ZBED3: variants seen among roughly 807,000 people sequenced by gnomAD.
The protein encoded by ZBED3 is zinc finger BED domain-containing protein 3.
For missense variants in ZBED3, 388 were observed against 362.9 expected (o/e 1.07, Z -0.56); for synonymous variants, 175 against 180.0 (o/e 0.97, Z 0.22).
chr5:77,077,442 C>T lies in ZBED3; in HGVS notation c.437G>A (p.Arg146Gln), dbSNP rs1206511115. The T allele has an allele frequency of 3.3e-6, 4 of 1,213,030 alleles. No individual in the cohort carries two copies. The highest frequency in any genetic ancestry group is 3.1e-6 in the Non-Finnish European group (3 of 975,094). The allele number at this position is 1,213,030 out of a possible 1,614,324, so 75.1% of individuals were successfully genotyped here. The change falls in exon 3 of 3, where the codon CGG becomes CAG. Residue 146 changes from arginine (R) to glutamine (Q), a missense_variant. Transcript: ENST00000255198. ...MGALAVRGSR[R>Q]ERELERRELA... ...CTCGCGCCGCTCCAGCTCCCGCTCC[C>T]GCCGGCTGCCGCGCACGGCCAGCGC...
rs1364236589 is a variant in ZBED3 at position 77,077,750 on chromosome 5, C to T, written c.129G>A (p.Ala43=). 7.6e-7 allele frequency: 1 copy of T among 1,324,056 alleles called. No individual in the cohort carries two copies. The highest frequency in any genetic ancestry group is 9.6e-7 in the Non-Finnish European group (1 of 1,040,192). 82.0% of individuals were successfully genotyped at this position (1,324,056 alleles called of 1,614,324 possible). A position where few individuals can be genotyped will look rare whatever the true frequency, so the allele number is the denominator to read the frequency against. ...PTPTPPGRLG[A]PYSEAWGYFH... is the part of the protein sequence containing the mutation. The stretch of plus-strand genomic sequence containing the variant: ...AGTAGCCCCAGGCCTCGGAGTATGG[C>T]GCCCCCAGGCGGCCGGGAGGCGTCG... Residue 43 remains alanine, a synonymous_variant, in exon 3 of 3, where the codon GCG becomes GCA. Transcript: ENST00000255198.
In ZBED3 at chr5:77,077,742, G is replaced by A. The variant is rs952348044; in HGVS notation, c.137C>T (p.Ser46Phe). 3.0e-6 allele frequency: 4 copies of A among 1,335,508 alleles called. No individual in the cohort carries two copies. The Admixed American group carries it at 1.1e-4, about 37-fold the overall frequency. 82.7% of individuals were successfully genotyped at this position (1,335,508 alleles called of 1,614,324 possible). The part of the protein sequence containing the change: ...TPPGRLGAPY[S>F]EAWGYFHLAP... ...CAGGTGGAAGTAGCCCCAGGCCTCG[G>A]AGTATGGCGCCCCCAGGCGGCCGGG... Residue 46 changes from serine to phenylalanine, a missense_variant, in exon 3 of 3, where the codon TCC becomes TTC. Physicochemically the swap from Ser to Phe is radical, Grantham distance 155 (BLOSUM62 -2). Coordinates refer to ENST00000255198, the MANE Select transcript of ZBED3 (RefSeq NM_032367.4).
intron 1 of ZBED3, among the ~76,000 whole-genome samples, chr5:77,081,967 A>G (rs1743137172): frequency 6.6e-6 from 1 of 152,120 alleles, no homozygotes; most frequent in African/African-American, 2.4e-5. Flanking sequence ...TGCAATTTCT[A>G]TATTAATTAA....
intron 1 of ZBED3, among the ~76,000 whole-genome samples, chr5:77,082,875 C>T (rs558237561): frequency 1.3e-5 from 2 of 152,278 alleles, no homozygotes; most frequent in African/African-American, 4.8e-5. Context: ...GTGGCTCACA[C>T]CTGTAATCCC....
chr5:77,080,923 T>TA (rs1442111601), intron 1 of ZBED3, among the ~76,000 whole-genome samples: 3 of 152,130 alleles, frequency 2.0e-5, no homozygotes, highest in Admixed American at 2.0e-4. Context: ...CCCTAGAACT[T>TA]AAAGTATAAA....
intron 1 of ZBED3, among the ~76,000 whole-genome samples, chr5:77,081,386 A>G (rs1364588709): frequency 2.0e-5 from 3 of 148,184 alleles, no homozygotes; most frequent in Non-Finnish European, 3.0e-5. Flanking sequence ...TTGCTCTGTC[A>G]CCCAGGCTGG....
Position 77,077,536 on chromosome 5 carries a change from A to G in ZBED3, c.343T>C (p.Cys115Arg). Residue 115 changes from cysteine to arginine, a missense_variant, in exon 3 of 3, where the codon TGC becomes CGC. Cys to Arg is a radical substitution (Grantham distance 180). Coordinates refer to ENST00000255198, the MANE Select transcript of ZBED3 (RefSeq NM_032367.4). ...GAGSSPPAAPCPPPPGPAAAP... is the reference protein window; with the variant it reads ...GAGSSPPAAPRPPPPGPAAAP... ...GCAGCGGGGCCGGGCGGCGGCGGGC[A>G]GGGCGCGGCAGGTGGGGAGCTCCCG... The G allele has an allele frequency of 8.2e-7, 1 of 1,216,078 alleles. No homozygotes were observed. Among genetic ancestry groups the G allele is most frequent in the Non-Finnish European group, 1.0e-6 (1 of 980,986 alleles). The allele number at this position is 1,216,078 out of a possible 1,614,324, so 75.3% of individuals were successfully genotyped here. A position where few individuals can be genotyped will look rare whatever the true frequency, so the allele number is the denominator to read the frequency against.
rs945381720 is a variant in ZBED3 at position 77,076,131 on chromosome 5, A to G, written c.*1043T>C. 4.7e-5 allele frequency: 7 copies of G among 149,796 alleles called. No homozygotes were observed. The highest frequency in any genetic ancestry group is 1.5e-4 in the African/African-American group (6 of 40,596). The allele number at this position is 149,796 out of a possible 1,614,324, so 9.3% of individuals were successfully genotyped here. A position where few individuals can be genotyped will look rare whatever the true frequency, so the allele number is the denominator to read the frequency against. On this transcript the variant is annotated 3_prime_UTR_variant, in exon 3 of 3. Coordinates refer to ENST00000255198, the MANE Select transcript of ZBED3 (RefSeq NM_032367.4). Reference sequence around the variant, plus strand: ...GGAGTAAAAACTGGGGAGGAAGGATAGGCAGCCAGGACTTGTTGGCCCTTC... The same window carrying G: ...GGAGTAAAAACTGGGGAGGAAGGATGGGCAGCCAGGACTTGTTGGCCCTTC...
chr5:77,082,268 GA>G (rs35181696), intron 1 of ZBED3, among the ~76,000 whole-genome samples: 26,772 of 123,762 alleles, frequency 0.22, 2,401 homozygotes, highest in South Asian at 0.25. Flanking sequence ...ATGCTGTATT[GA>G]AAAAAAAAAA....
Position 77,077,893 on chromosome 5 carries a change from A to G in ZBED3, c.-15T>C. ...CCACTCCTCATTCTGCGGCGCCCGC[A>G]CGCTGGGGAGCAGGGGAAGAATAAT... On this transcript the variant is annotated splice_region_variant and 5_prime_UTR_variant, in exon 3 of 3. Coordinates refer to ENST00000255198, the MANE Select transcript of ZBED3 (RefSeq NM_032367.4). 1 of 1,251,218 alleles carries G rather than the reference A, an allele frequency of 8.0e-7. No homozygotes were observed. Among genetic ancestry groups the G allele is most frequent in the Non-Finnish European group, 1.0e-6 (1 of 999,590 alleles). The allele number at this position is 1,251,218 out of a possible 1,614,324, so 77.5% of individuals were successfully genotyped here.
chr5:77,084,094 T>C (rs188684673), intron 1 of ZBED3, among the ~76,000 whole-genome samples: 13 of 152,380 alleles, frequency 8.5e-5, no homozygotes, highest in Admixed American at 2.0e-4. Context: ...AAATGCTCAT[T>C]GTGCACCTGC....
chr5:77,080,731 T>C (rs1743111634), intron 1 of ZBED3, among the ~76,000 whole-genome samples: 1 of 152,156 alleles, frequency 6.6e-6, no homozygotes, highest in Non-Finnish European at 1.5e-5. Context: ...TAGGTGGGAA[T>C]TGAGCAATGA....
Position 77,076,715 on chromosome 5 carries a change from AG to A in ZBED3, c.*458del, listed in dbSNP as rs1337768674. 6.6e-6 allele frequency: 1 copy of A among 150,690 alleles called. No homozygotes were observed. Among genetic ancestry groups the A allele is most frequent in the Admixed American group, 6.6e-5 (1 of 15,120 alleles). The allele number at this position is 150,690 out of a possible 1,614,324, so 9.3% of individuals were successfully genotyped here. A position where few individuals can be genotyped will look rare whatever the true frequency, so the allele number is the denominator to read the frequency against. ...CTTTTTTTTTTTTTTTTGGGTAAAAAGCTTTCTCATTTCCACGCACCCTCCA... is the reference window on the plus strand; with the variant it reads ...CTTTTTTTTTTTTTTTTGGGTAAAAACTTTCTCATTTCCACGCACCCTCCA... On this transcript the variant is annotated 3_prime_UTR_variant, in exon 3 of 3. Transcript: ENST00000255198.
At position 77,077,834 on chromosome 5, in the gene ZBED3, C is replaced by T; in HGVS notation, c.45G>A (p.Gly15=). The T allele has an allele frequency of 2.3e-6, 3 of 1,293,758 alleles. No individual in the cohort carries two copies. The highest frequency in any genetic ancestry group is 2.9e-6 in the Non-Finnish European group (3 of 1,026,624). The allele number at this position is 1,293,758 out of a possible 1,614,324, so 80.1% of individuals were successfully genotyped here. ...EPACTMDQAR[G]LDDAAARGGQ... ...CGCCCCGCGCCGCCGCGTCGTCCAGCCCGCGGGCCTGGTCCATGGTGCAGG... is the reference window on the plus strand; with the variant it reads ...CGCCCCGCGCCGCCGCGTCGTCCAGTCCGCGGGCCTGGTCCATGGTGCAGG... Residue 15 remains glycine (G), a synonymous_variant, in exon 3 of 3, where the codon GGG becomes GGA. Transcript: ENST00000255198.
rs1743046600 is a variant in ZBED3 at position 77,077,575 on chromosome 5, C to T, written c.304G>A (p.Glu102Lys). ...HLRSAHRREL[E>K]SSGAGSSPPA... ...GGGGAGCTCCCGGCGCCGCTGCTCT[C>T]CAGCTCCCGCCGGTGCGCGCTCCTC... The change falls in exon 3 of 3, where the codon GAG becomes AAG. Residue 102 changes from glutamate (E) to lysine (K), a missense_variant. Coordinates refer to ENST00000255198, the MANE Select transcript of ZBED3 (RefSeq NM_032367.4). 2 of 1,318,968 alleles carry T rather than the reference C, an allele frequency of 1.5e-6. No individual in the cohort carries two copies. The highest frequency in any genetic ancestry group is 2.1e-5 in the South Asian group (1 of 48,274). 81.7% of individuals were successfully genotyped at this position (1,318,968 alleles called of 1,614,324 possible).
rs771151152 is a variant in ZBED3, at chr5:77,077,137, A to G, written c.*37T>C. 5 of 1,350,172 alleles carry G rather than the reference A, an allele frequency of 3.7e-6. No homozygotes were observed. Among genetic ancestry groups the G allele is most frequent in the Admixed American group, 7.0e-5 (2 of 28,534 alleles). 83.6% of individuals were successfully genotyped at this position (1,350,172 alleles called of 1,614,324 possible). On this transcript the variant is annotated 3_prime_UTR_variant, in exon 3 of 3. Coordinates refer to ENST00000255198, the MANE Select transcript of ZBED3 (RefSeq NM_032367.4). The stretch of plus-strand genomic sequence containing the variant: ...GTCTGAAGGCATTGGCATTGGACGG[A>G]GAAGCGCTGTCCTGGGGTGGGGAAG...
chr5:77,072,681 T>G lies in ZBED3; in HGVS notation c.*4493A>C, dbSNP rs953909220. ...CTGGAGCAGGTCATTTGGCAACTAT[T>G]TGATAGAAAAATATTTAATAGTATT... On this transcript the variant is annotated 3_prime_UTR_variant, in exon 3 of 3. Coordinates refer to ENST00000255198, the MANE Select transcript of ZBED3 (RefSeq NM_032367.4). 28 of 152,174 alleles carry G rather than the reference T, an allele frequency of 1.8e-4. No homozygotes were observed. The highest frequency in any genetic ancestry group is 6.5e-4 in the African/African-American group (27 of 41,444). The allele number at this position is 152,174 out of a possible 1,614,324, so 9.4% of individuals were successfully genotyped here.
In ZBED3 at chr5:77,073,915, T is replaced by G. The variant is rs1023917611; in HGVS notation, c.*3259A>C. ...CCACAGCCATACACTAGCTGGCCTG[T>G]CCTGAGGGTTGTGAGGCACAAAATG... On this transcript the variant is annotated 3_prime_UTR_variant, in exon 3 of 3. Coordinates refer to ENST00000255198, the MANE Select transcript of ZBED3 (RefSeq NM_032367.4). 1 of 152,194 alleles carries G rather than the reference T, an allele frequency of 6.6e-6. No individual in the cohort carries two copies. Among genetic ancestry groups the G allele is most frequent in the Admixed American group, 6.5e-5 (1 of 15,268 alleles). 9.4% of individuals were successfully genotyped at this position (152,194 alleles called of 1,614,324 possible).
At position 77,076,518 on chromosome 5, in the gene ZBED3, CAG is replaced by C. The variant is rs1217566985; in HGVS notation, c.*654_*655del. 2 of 152,102 alleles carry C rather than the reference CAG, an allele frequency of 1.3e-5. No individual in the cohort carries two copies. Among genetic ancestry groups the C allele is most frequent in the East Asian group, 3.9e-4 (2 of 5,170 alleles). 9.4% of individuals were successfully genotyped at this position (152,102 alleles called of 1,614,324 possible). The stretch of plus-strand genomic sequence containing the variant: ...CAAGGGAAGGATGGCCGAGGGGAGA[CAG>C]AGTGCACCTGGTATTGGTTGAATAA... On this transcript the variant is annotated 3_prime_UTR_variant, in exon 3 of 3. Coordinates refer to ENST00000255198, the MANE Select transcript of ZBED3 (RefSeq NM_032367.4).
Sources: gnomAD v4.1 joint callset for allele counts (sites outside exome capture counted in the v4.1 genomes callset) on GRCh38, gnomAD v4.1.1 for gene constraint, MANE v1.5 for transcripts, NCBI Gene and HGNC (gene_info 2026-07-23, HGNC 2026-07-21) for gene names.